GPHN: variants seen among roughly 807,000 people sequenced by gnomAD.
The protein encoded by GPHN is gephyrin.
GPHN carries 17 observed loss-of-function variants against 95.5 expected under a neutral mutation model. The ratio of observed to expected loss-of-function variants is 0.18; its 90% confidence interval spans 0.12 to 0.27. The LOEUF (loss-of-function observed/expected upper bound fraction) is 0.27. Among genes scored for constraint, GPHN ranks in the 10% least tolerant of loss-of-function variants. The pLI is 1.00. For synonymous variants in GPHN, 320 were observed against 322.5 expected, an observed-to-expected ratio of 0.99 and a Z score of 0.08; for missense variants, 660 against 978.1, an observed-to-expected ratio of 0.67 and a Z score of 4.34.
At chr14:67,030,833 A>G (rs553674062) in intron 10 of GPHN, among the ~76,000 whole-genome samples, 14 of 152,256 alleles carry the variant, frequency 9.2e-5, no homozygotes, top group South Asian at 6.2e-4. Context: ...CTCTCTCTCA[A>G]TAAGAGTTGA....
At chr14:66,588,901 A>G (rs1332860830) in intron 1 of GPHN, among the ~76,000 whole-genome samples, 1 of 152,086 alleles carries the variant, frequency 6.6e-6, no homozygotes, top group African/African-American at 2.4e-5. Context: ...AGATACTACT[A>G]GAGAAGAGCA....
the GPHN span, among the ~76,000 whole-genome samples, chr14:67,276,185 T>A: frequency 1.4e-5 from 2 of 145,770 alleles, no homozygotes; most frequent in African/African-American, 5.4e-5. Context: ...TTAATTATTC[T>A]TACTATTTTC....
chr14:67,248,007 G>A, the GPHN span, among the ~76,000 whole-genome samples: 189 of 152,076 alleles, frequency 1.2e-3, 1 homozygote, highest in Non-Finnish European at 2.1e-3. Context: ...GGTTACTGAG[G>A]GTTTGTTTTT....
chr14:67,132,998 G>A (rs528500562), intron 17 of GPHN, among the ~76,000 whole-genome samples: 3 of 151,716 alleles, frequency 2.0e-5, no homozygotes, highest in African/African-American at 7.3e-5. Flanking sequence ...TAAACTTAAA[G>A]GCAAGAACCA....
chr14:67,201,745 T>G, the GPHN span: 2 of 340,476 alleles, frequency 5.9e-6, no homozygotes, highest in Admixed American at 7.8e-5. Flanking sequence ...GGGCACAGTT[T>G]GGGTAAGTTA....
the GPHN span, among the ~76,000 whole-genome samples, chr14:67,421,831 T>C: frequency 2.0e-5 from 3 of 152,322 alleles, no homozygotes; most frequent in African/African-American, 7.2e-5. Flanking sequence ...ATCTCTGCCC[T>C]TATCTCCACT....
the GPHN span, among the ~76,000 whole-genome samples, chr14:67,551,084 A>C: frequency 6.6e-6 from 1 of 152,208 alleles, no homozygotes; most frequent in Non-Finnish European, 1.5e-5. Context: ...ATATACATAT[A>C]AGCTAAATGC....
rs939467962 is a variant in GPHN, at chr14:66,946,763, A to T, written c.829-18428A>T. Among the ~76,000 whole-genome samples, 6 of 152,332 alleles carry T rather than the reference A, an allele frequency of 3.9e-5. No individual in the cohort carries two copies. In the East Asian group the frequency reaches 1.2e-3, roughly 29 times the overall value. On this transcript the variant is annotated intron_variant, in intron 8 of 22. Transcript: ENST00000478722. ...GTATATTATAACTGTTAGTATTTTCATAGATAAAAAACTAGTCTGCTACTC... is the reference window on the plus strand; with the variant it reads ...GTATATTATAACTGTTAGTATTTTCTTAGATAAAAAACTAGTCTGCTACTC...
the GPHN span, among the ~76,000 whole-genome samples, chr14:67,377,659 A>G: frequency 1.3e-5 from 2 of 152,036 alleles, no homozygotes. Flanking sequence ...AGAGATCTCT[A>G]TTAGTTACTT....
chr14:67,330,312 G>C, the GPHN span, among the ~76,000 whole-genome samples: 2 of 151,670 alleles, frequency 1.3e-5, no homozygotes, highest in African/African-American at 2.4e-5. Context: ...CAAGATGAAT[G>C]CTTAATTTTT....
At chr14:67,399,342 A>C in the GPHN span, among the ~76,000 whole-genome samples, 1 of 151,092 alleles carries the variant, frequency 6.6e-6, no homozygotes, top group Non-Finnish European at 1.5e-5. Flanking sequence ...AGGAATAAAG[A>C]GAAGGGTAGT....
the GPHN span, among the ~76,000 whole-genome samples, chr14:67,701,429 T>C: frequency 1.4e-5 from 2 of 138,106 alleles, no homozygotes; most frequent in African/African-American, 5.5e-5. Flanking sequence ...TAATTTCTTT[T>C]TTTTTTTTTT....
At chr14:67,192,988 C>G in the GPHN span, among the ~76,000 whole-genome samples, 2 of 144,520 alleles carry the variant, frequency 1.4e-5, no homozygotes, top group Non-Finnish European at 3.0e-5. Flanking sequence ...ATAGATCTCT[C>G]TATATATCTC....
chr14:66,585,552 T>G (rs1389333062), intron 1 of GPHN, among the ~76,000 whole-genome samples: 2 of 152,194 alleles, frequency 1.3e-5, no homozygotes, highest in Non-Finnish European at 2.9e-5. Flanking sequence ...CTCTACACAC[T>G]GCTTTAAATG....
chr14:67,120,721 C>T (rs1445606698), intron 16 of GPHN, among the ~76,000 whole-genome samples: 1 of 152,210 alleles, frequency 6.6e-6, no homozygotes, highest in Non-Finnish European at 1.5e-5. Flanking sequence ...ATTATAATCA[C>T]TTTAATAACT....
intron 2 of GPHN, among the ~76,000 whole-genome samples, chr14:66,756,863 A>G (rs925661783): frequency 6.6e-6 from 1 of 152,244 alleles, no homozygotes; most frequent in Non-Finnish European, 1.5e-5. Flanking sequence ...AGTCTGAATC[A>G]TGTAAAACAG....
At chr14:66,718,542 G>T (rs2070415251) in intron 2 of GPHN, among the ~76,000 whole-genome samples, 1 of 152,130 alleles carries the variant, frequency 6.6e-6, no homozygotes, top group Non-Finnish European at 1.5e-5. Context: ...GCTGCTGCTG[G>T]CTCAGGTGGC....
chr14:66,672,479 G>T (rs1244730857), intron 1 of GPHN, among the ~76,000 whole-genome samples: 1 of 152,060 alleles, frequency 6.6e-6, no homozygotes, highest in Non-Finnish European at 1.5e-5. Context: ...TTTCTTGTGA[G>T]ATTTGTTCAT....
the GPHN span, among the ~76,000 whole-genome samples, chr14:67,538,231 T>G: frequency 6.6e-6 from 1 of 152,230 alleles, no homozygotes; most frequent in Non-Finnish European, 1.5e-5. Flanking sequence ...ATGAGATATC[T>G]GCTACCACTA....
Sources: gnomAD v4.1 joint callset for allele counts (sites outside exome capture counted in the v4.1 genomes callset) on GRCh38, gnomAD v4.1.1 for gene constraint, MANE v1.5 for transcripts, NCBI Gene and HGNC (gene_info 2026-07-23, HGNC 2026-07-21) for gene names.